The following GPBP1 variants were observed in gnomAD, a reference collection of about 807,000 sequenced individuals.
GPBP1 encodes vasculin.
Under a neutral mutation model 56.5 loss-of-function variants are expected in GPBP1, and 13 were observed. The observed-to-expected ratio is 0.23, with a 90% confidence interval of 0.15 to 0.37. GPBP1 has a LOEUF of 0.37. Among genes scored for constraint, GPBP1 ranks in the 10% least tolerant of loss-of-function variants. The probability of loss-of-function intolerance (pLI) is 1.00; values close to 1 mark genes in which losing one functional copy is unlikely to be tolerated. For synonymous variants in GPBP1, 204 were observed against 188.9 expected, an observed-to-expected ratio of 1.08 and a Z score of -0.66; for missense variants, 477 against 572.3, an observed-to-expected ratio of 0.83 and a Z score of 1.70.
At chr5:57,193,625 A>AAC (rs1381309360) in intron 2 of GPBP1, among the ~76,000 whole-genome samples, 2 of 151,366 alleles carry the variant, frequency 1.3e-5, no homozygotes, top group East Asian at 1.9e-4. Context: ...AAAAAAAAAA[A>AAC]AAAAAAAAAA....
rs1741974795 is a variant in GPBP1, at chr5:57,263,156, C to G, written c.*404C>G. On this transcript the variant is annotated 3_prime_UTR_variant, in exon 12 of 12. Transcript: ENST00000506184. Reference sequence around the variant, plus strand: ...CACTGTTTTGCTTGCAGAGTCATATCTTTTTCGTACAATGGAAATCCTCAA... The same window carrying G: ...CACTGTTTTGCTTGCAGAGTCATATGTTTTTCGTACAATGGAAATCCTCAA... 6.5e-6 allele frequency: 1 copy of G among 153,986 alleles called. No homozygotes were observed. The highest frequency in any genetic ancestry group is 1.9e-4 in the East Asian group (1 of 5,232). The allele number at this position is 153,986 out of a possible 1,614,324, so 9.5% of individuals were successfully genotyped here.
At chr5:57,192,333 T>C (rs953986548) in intron 2 of GPBP1, among the ~76,000 whole-genome samples, 1 of 152,114 alleles carries the variant, frequency 6.6e-6, no homozygotes, top group Non-Finnish European at 1.5e-5. Context: ...GTAGTCTGTT[T>C]GGGGATAGCG....
chr5:57,186,674 T>C (rs864963), intron 2 of GPBP1, among the ~76,000 whole-genome samples: 66,777 of 151,914 alleles, frequency 0.44, 14,925 homozygotes, highest in South Asian at 0.51. Flanking sequence ...TGGGCTGGAA[T>C]GATCCTCCTA....
intron 3 of GPBP1, among the ~76,000 whole-genome samples, chr5:57,219,398 A>AACC (rs775514981): frequency 0.14 from 9,880 of 68,990 alleles, 1,524 homozygotes; most frequent in Non-Finnish European, 0.17. Context: ...AAAAAAAAAA[A>AACC]AAAAACCAAA....
chr5:57,180,624 CCTGTGTGA>C (rs1355444791), intron 2 of GPBP1, among the ~76,000 whole-genome samples: 15 of 152,088 alleles, frequency 9.9e-5, no homozygotes, highest in Admixed American at 9.2e-4. Context: ...TAGAAAAATG[CCTGTGTGA>C]CTGTATGTTC....
Position 57,189,929 on chromosome 5 carries a change from C to G in GPBP1, c.-58+13529C>G, listed in dbSNP as rs576551204. Among the ~76,000 whole-genome samples the G allele has an allele frequency of 2.4e-4, 36 of 152,300 alleles. 1 individual carries two copies. In the South Asian group the frequency reaches 7.2e-3, roughly 31 times the overall value. On this transcript the variant is annotated intron_variant, in intron 2 of 11. Transcript: ENST00000506184. ...CAAACCTAACTTTCTCTGAGATTCT[C>G]TAACCATTTTGTGTAAAGTGGGCCA...
At chr5:57,252,774 G>T (rs531745963) in intron 10 of GPBP1, among the ~76,000 whole-genome samples, 1 of 151,638 alleles carries the variant, frequency 6.6e-6, no homozygotes, top group Non-Finnish European at 1.5e-5. Flanking sequence ...TCAGTGGCAG[G>T]ATCTTGGCTC....
At chr5:57,192,769 A>AAAG (rs1561327932) in intron 2 of GPBP1, among the ~76,000 whole-genome samples, 2 of 151,512 alleles carry the variant, frequency 1.3e-5, no homozygotes, top group Non-Finnish European at 2.9e-5. Context: ...AAAAAAAAAA[A>AAAG]AAAAATTAGG....
chr5:57,221,741 T>C (rs1208854115), intron 3 of GPBP1, among the ~76,000 whole-genome samples: 2 of 152,236 alleles, frequency 1.3e-5, no homozygotes, highest in Non-Finnish European at 2.9e-5. Flanking sequence ...AGATTAGTAT[T>C]ACTGTACCAA....
intron 9 of GPBP1, among the ~76,000 whole-genome samples, chr5:57,250,137 G>T (rs926569039): frequency 4.0e-5 from 6 of 149,088 alleles, no homozygotes; most frequent in Admixed American, 3.4e-4. Flanking sequence ...CACCACACCT[G>T]GCTAATTTTT....
chr5:57,217,745 T>C (rs1029385847), intron 3 of GPBP1, among the ~76,000 whole-genome samples: 7 of 150,804 alleles, frequency 4.6e-5, no homozygotes, highest in African/African-American at 1.7e-4. Context: ...GGGTCAGATA[T>C]GGTGGCTCAC....
At chr5:57,260,964 G>A (rs1389461614) in intron 10 of GPBP1, among the ~76,000 whole-genome samples, 1 of 152,144 alleles carries the variant, frequency 6.6e-6, no homozygotes, top group Non-Finnish European at 1.5e-5. Context: ...AAGCAGTCAA[G>A]GAGTTCATTC....
At chr5:57,189,716 T>C (rs1282702076) in intron 2 of GPBP1, among the ~76,000 whole-genome samples, 1 of 152,242 alleles carries the variant, frequency 6.6e-6, no homozygotes, top group Non-Finnish European at 1.5e-5. Context: ...CCATTGGATC[T>C]AAAAATAGCA....
At chr5:57,188,433 A>G (rs1754382853) in intron 2 of GPBP1, among the ~76,000 whole-genome samples, 1 of 152,062 alleles carries the variant, frequency 6.6e-6, no homozygotes, top group South Asian at 2.1e-4. Flanking sequence ...TCTACCTGTA[A>G]AATTTAACGT....
intron 2 of GPBP1, among the ~76,000 whole-genome samples, chr5:57,184,871 G>C (rs1754216441): frequency 6.6e-6 from 1 of 152,116 alleles, no homozygotes; most frequent in Non-Finnish European, 1.5e-5. Context: ...ATTATACAGT[G>C]GATTAGCCTT....
chr5:57,211,440 C>T (rs1755472375), intron 2 of GPBP1, among the ~76,000 whole-genome samples: 1 of 152,226 alleles, frequency 6.6e-6, no homozygotes, highest in South Asian at 2.1e-4. Flanking sequence ...CCTCCCACTT[C>T]ACTTCCCAGA....
intron 2 of GPBP1, among the ~76,000 whole-genome samples, chr5:57,185,954 TA>T (rs113616606): frequency 1.0e-3 from 152 of 145,334 alleles, no homozygotes; most frequent in Non-Finnish European, 9.7e-4. Flanking sequence ...AACCTTGTCT[TA>T]AAAAAAAAAA....
intron 10 of GPBP1, among the ~76,000 whole-genome samples, chr5:57,256,657 T>C (rs1461274540): frequency 6.6e-6 from 1 of 152,202 alleles, no homozygotes; most frequent in African/African-American, 2.4e-5. Flanking sequence ...ATTTCAGATT[T>C]GGTAGCCGCT....
At chr5:57,182,620 C>T (rs1433514369) in intron 2 of GPBP1, among the ~76,000 whole-genome samples, 1 of 152,140 alleles carries the variant, frequency 6.6e-6, no homozygotes, top group Non-Finnish European at 1.5e-5. Context: ...ATCCACCTGC[C>T]TCAGCCTCCC....
Sources: gnomAD v4.1 joint callset for allele counts (sites outside exome capture counted in the v4.1 genomes callset) on GRCh38, gnomAD v4.1.1 for gene constraint, MANE v1.5 for transcripts, NCBI Gene and HGNC (gene_info 2026-07-23, HGNC 2026-07-21) for gene names.